ZNF346: variants seen among roughly 807,000 people sequenced by gnomAD.
The protein encoded by ZNF346 is double-stranded RNA-binding zinc finger protein JAZ.
ZNF346 carries 23 observed loss-of-function variants against 33.7 expected under a neutral mutation model. That is an observed-to-expected ratio of 0.68 (90% CI 0.49 to 0.97). The LOEUF (loss-of-function observed/expected upper bound fraction) is 0.97. Ranked by LOEUF, ZNF346 falls within the 50% of genes least tolerant of loss-of-function variation. The pLI, the probability that ZNF346 is intolerant of heterozygous loss-of-function variation, is 0.00. For synonymous variants in ZNF346, 134 were observed against 142.4 expected (o/e 0.94, Z 0.42); for missense variants, 340 against 371.1 (o/e 0.92, Z 0.69).
At chr5:177,076,470 C>T (rs1219934253) in intron 8 of ZNF346, among the ~76,000 whole-genome samples, 1 of 152,202 alleles carries the variant, frequency 6.6e-6, no homozygotes, top group East Asian at 1.9e-4. Context: ...TGATCAGGTT[C>T]CTCCTCCTCC....
At chr5:177,035,633 CT>C (rs57259759) in intron 1 of ZNF346, among the ~76,000 whole-genome samples, 22,489 of 101,832 alleles carry the variant, frequency 0.22, 1,520 homozygotes, top group Middle Eastern at 0.26. Flanking sequence ...GGCTAATTGA[CT>C]TTTTTTTTTT....
At chr5:177,026,384 G>A in intron 1 of ZNF346, among the ~76,000 whole-genome samples, 2 of 106,540 alleles carry the variant, frequency 1.9e-5, no homozygotes, top group African/African-American at 3.9e-5. Flanking sequence ...TTTTGAGACA[G>A]AATCCCACTC....
intron 1 of ZNF346, among the ~76,000 whole-genome samples, chr5:177,033,160 CG>C (rs1777959461): frequency 6.6e-6 from 1 of 152,180 alleles, no homozygotes; most frequent in Non-Finnish European, 1.5e-5. Context: ...ACCAGAGCCT[CG>C]AACTGCTAGA....
Position 177,038,256 on chromosome 5 carries a change from G to GTTTT in ZNF346, c.176-2861_176-2858dup, listed in dbSNP as rs748931641. Reference sequence around the variant, plus strand: ...GGCATGCGCCACCATGCCCAACTACGTTTTTTTTTTTTGTGTGTGTGTGTT... The same window carrying GTTTT: ...GGCATGCGCCACCATGCCCAACTACGTTTTTTTTTTTTTTTTGTGTGTGTGTGTT... On this transcript the variant is annotated intron_variant, in intron 1 of 6. Transcript: ENST00000358149. Among the ~76,000 whole-genome samples the GTTTT allele has an allele frequency of 1.0e-3, 135 of 132,132 alleles. 2 individuals carry two copies. The highest frequency in any genetic ancestry group is 2.4e-3 in the East Asian group (10 of 4,246). The allele number at this position is 132,132 out of a possible 152,430, so 86.7% of individuals were successfully genotyped here.
At chr5:177,050,074 A>G (rs1188016193) in intron 4 of ZNF346, among the ~76,000 whole-genome samples, 1 of 152,204 alleles carries the variant, frequency 6.6e-6, no homozygotes, top group African/African-American at 2.4e-5. Context: ...TGACCTCGTG[A>G]TCCGCCTGCC....
chr5:177,061,566 G>C (rs1782554862), intron 5 of ZNF346, among the ~76,000 whole-genome samples: 1 of 152,218 alleles, frequency 6.6e-6, no homozygotes. Flanking sequence ...TGTGGGAAAA[G>C]CCACTTTGTC....
At chr5:177,036,152 A>G (rs563488138) in intron 1 of ZNF346, among the ~76,000 whole-genome samples, 1 of 152,172 alleles carries the variant, frequency 6.6e-6, no homozygotes, top group South Asian at 2.1e-4. Flanking sequence ...GAGCTGAAAC[A>G]ACAGCGGGGT....
chr5:177,041,261 T>A (rs1779303848), intron 2 of ZNF346, 32 bp downstream of exon 2: 1 of 1,548,992 alleles, frequency 6.5e-7, no homozygotes, highest in Non-Finnish European at 8.9e-7. Flanking sequence ...ACTGCGTTTC[T>A]TTTCAGACCT....
At chr5:177,025,177 T>C (rs1015430880) in intron 1 of ZNF346, among the ~76,000 whole-genome samples, 41 of 152,244 alleles carry the variant, frequency 2.7e-4, no homozygotes, top group African/African-American at 9.9e-4. Flanking sequence ...GGGTAGTCTT[T>C]TGAGTTTGGC....
intron 1 of ZNF346, among the ~76,000 whole-genome samples, chr5:177,033,495 G>C (rs552533348): frequency 6.6e-6 from 1 of 152,004 alleles, no homozygotes; most frequent in African/African-American, 2.4e-5. Context: ...GTCAGTTGAC[G>C]AATTTTTTTG....
chr5:177,048,852 C>T (rs1346878678), intron 4 of ZNF346, among the ~76,000 whole-genome samples: 1 of 147,004 alleles, frequency 6.8e-6, no homozygotes, highest in Non-Finnish European at 1.5e-5. Flanking sequence ...ATGGCGCAAT[C>T]TCAGCTTACT....
At chr5:177,028,869 A>G (rs1051389980) in intron 1 of ZNF346, among the ~76,000 whole-genome samples, 1 of 151,070 alleles carries the variant, frequency 6.6e-6, no homozygotes, top group Non-Finnish European at 1.5e-5. Flanking sequence ...ATAGGCGCCC[A>G]CCACCACACC....
chr5:177,051,855 G>A (rs1780979459), intron 5 of ZNF346: 1 of 152,152 alleles, frequency 6.6e-6, no homozygotes, highest in Admixed American at 6.6e-5. Flanking sequence ...TTTTAAATGT[G>A]TAACTAAATT....
At chr5:177,028,494 T>TCATATATATATATATATA (rs1554142595) in intron 1 of ZNF346, among the ~76,000 whole-genome samples, 1 of 46,010 alleles carries the variant, frequency 2.2e-5, no homozygotes, top group African/African-American at 5.8e-5. Context: ...ACTTGTGACG[T>TCATATATATATATATATA]TTTATATATA....
chr5:177,056,704 G>T (rs867440553), intron 5 of ZNF346, among the ~76,000 whole-genome samples: 10 of 147,002 alleles, frequency 6.8e-5, no homozygotes, highest in East Asian at 2.1e-4. Flanking sequence ...TCACAGGTGG[G>T]AATTGAACAA....
At chr5:177,058,009 C>T (rs1370407874) in intron 5 of ZNF346, among the ~76,000 whole-genome samples, 5 of 149,232 alleles carry the variant, frequency 3.4e-5, no homozygotes, top group Admixed American at 6.7e-5. Flanking sequence ...TTAGTAGAGA[C>T]GGGGTTTCAC....
At position 177,047,030 on chromosome 5, in the gene ZNF346, T is replaced by TTTTATTTA. The variant is rs140329566; in HGVS notation, c.517+2525_517+2532dup. On this transcript the variant is annotated intron_variant, in intron 4 of 6. Transcript: ENST00000358149. ...GGGTTTTTAAAATTTTTTTATTTAT[T>TTTTATTTA]TTTATTTATTTATTTATTTATTTAT... Among the ~76,000 whole-genome samples, 1,314 of 147,848 alleles carry TTTTATTTA rather than the reference T, an allele frequency of 8.9e-3. 7 individuals are homozygous for TTTTATTTA. Among genetic ancestry groups the TTTTATTTA allele is most frequent in the South Asian group, 0.024 (113 of 4,740 alleles).
intron 1 of ZNF346, among the ~76,000 whole-genome samples, chr5:177,033,857 T>C (rs751868334): frequency 2.0e-5 from 3 of 152,108 alleles, no homozygotes; most frequent in Admixed American, 2.0e-4. Flanking sequence ...CAATTGTAGA[T>C]TCTAAGGTCA....
At chr5:177,078,791 A>G (rs2149722684) in intron 8 of ZNF346, among the ~76,000 whole-genome samples, 1 of 151,494 alleles carries the variant, frequency 6.6e-6, no homozygotes, top group African/African-American at 2.4e-5. Flanking sequence ...CACGCCTGTA[A>G]TCCCAGGTAC....
Sources: gnomAD v4.1 joint callset for allele counts (sites outside exome capture counted in the v4.1 genomes callset) on GRCh38, gnomAD v4.1.1 for gene constraint, MANE v1.5 for transcripts, NCBI Gene and HGNC (gene_info 2026-07-23, HGNC 2026-07-21) for gene names.